NLGN1: variants seen among roughly 807,000 people sequenced by gnomAD.
NLGN1 encodes the protein neuroligin-1.
In NLGN1, 12 loss-of-function variants were observed where a neutral mutation model predicts 65.5. The ratio of observed to expected loss-of-function variants is 0.18; its 90% CI spans 0.12 to 0.30. The LOEUF (loss-of-function observed/expected upper bound fraction) is 0.30. Among genes scored for constraint, NLGN1 ranks in the 10% least tolerant of loss-of-function variants. The pLI, the probability that NLGN1 is intolerant of heterozygous loss-of-function variation, is 1.00. For missense variants in NLGN1, 750 were observed against 1,007.1 expected, an observed-to-expected ratio of 0.74 and a Z score of 3.46; for synonymous variants, 350 against 359.5, an observed-to-expected ratio of 0.97 and a Z score of 0.30.
intron 4 of NLGN1, among the ~76,000 whole-genome samples, chr3:174,090,976 T>C (rs1744402431): frequency 6.6e-6 from 1 of 152,184 alleles, no homozygotes; most frequent in Admixed American, 6.5e-5. Flanking sequence ...TTAACAATTG[T>C]AAATAACATT....
intron 4 of NLGN1, among the ~76,000 whole-genome samples, chr3:173,921,949 A>C (rs781112572): frequency 6.6e-6 from 1 of 152,100 alleles, no homozygotes; most frequent in Admixed American, 6.6e-5. Context: ...CTCTGAATAC[A>C]TTATACCAAC....
At chr3:173,828,212 C>T (rs73033365) in intron 4 of NLGN1, among the ~76,000 whole-genome samples, 74 of 152,178 alleles carry the variant, frequency 4.9e-4, no homozygotes, top group South Asian at 2.9e-3. Flanking sequence ...ATTTGAGTTG[C>T]TGTCACATCA....
chr3:173,410,568 A>G (rs1227512943), intron 1 of NLGN1, among the ~76,000 whole-genome samples: 1 of 152,212 alleles, frequency 6.6e-6, no homozygotes, highest in Non-Finnish European at 1.5e-5. Context: ...GGGATAAAGC[A>G]TTTAGAAATG....
intron 4 of NLGN1, among the ~76,000 whole-genome samples, chr3:174,083,004 G>A (rs1460055368): frequency 2.3e-4 from 35 of 152,196 alleles, no homozygotes; most frequent in Admixed American, 2.2e-3. Context: ...TGGGATCACA[G>A]GCATGAGCCA....
At chr3:174,179,994 C>A (rs1043408964) in intron 4 of NLGN1, among the ~76,000 whole-genome samples, 1 of 152,034 alleles carries the variant, frequency 6.6e-6, no homozygotes, top group Non-Finnish European at 1.5e-5. Context: ...AGAATTATAG[C>A]AATATAATCC....
chr3:173,659,134 T>C (rs1467411051), intron 3 of NLGN1, among the ~76,000 whole-genome samples: 4 of 151,950 alleles, frequency 2.6e-5, no homozygotes, highest in Non-Finnish European at 5.9e-5. Context: ...GTCTTACCAT[T>C]AGCATTATTG....
chr3:173,448,902 G>T (rs551056115), intron 2 of NLGN1, among the ~76,000 whole-genome samples: 37 of 152,230 alleles, frequency 2.4e-4, no homozygotes, highest in Middle Eastern at 6.8e-3. Context: ...TGGGATCAGT[G>T]GTGACATCCC....
intron 2 of NLGN1, among the ~76,000 whole-genome samples, chr3:173,456,355 ATGAGGGTTGAGAACATGGAC>A: frequency 6.6e-6 from 1 of 152,218 alleles, no homozygotes; most frequent in East Asian, 1.9e-4. Context: ...GCAATATAGC[ATGAGGGTTGAGAACATGGAC>A]TGAGGCTCAG....
chr3:173,433,176 G>A (rs1717502613), intron 1 of NLGN1, among the ~76,000 whole-genome samples: 1 of 152,082 alleles, frequency 6.6e-6, no homozygotes, highest in African/African-American at 2.4e-5. Flanking sequence ...TCCCATTGCT[G>A]CCATTGTGCC....
At chr3:173,784,006 G>T (rs1263072045) in intron 3 of NLGN1, among the ~76,000 whole-genome samples, 1 of 152,122 alleles carries the variant, frequency 6.6e-6, no homozygotes, top group Non-Finnish European at 1.5e-5. Context: ...TATGTAGCAG[G>T]TTTCCCTAGA....
intron 2 of NLGN1, among the ~76,000 whole-genome samples, chr3:173,563,052 T>C (rs1048008454): frequency 2.0e-5 from 3 of 152,200 alleles, no homozygotes; most frequent in African/African-American, 7.2e-5. Context: ...TTCCACTGTT[T>C]GAATTAGTCA....
intron 3 of NLGN1, 54 bp from the exon 3 acceptor site, chr3:173,605,480 G>A (rs1302350074): frequency 1.6e-5 from 15 of 967,046 alleles, no homozygotes; most frequent in South Asian, 6.7e-5. Flanking sequence ...TGCATGTTCC[G>A]GCGGTCTATG....
chr3:174,167,869 C>T (rs1231636908), intron 4 of NLGN1, among the ~76,000 whole-genome samples: 1 of 151,370 alleles, frequency 6.6e-6, no homozygotes, highest in Non-Finnish European at 1.5e-5. Flanking sequence ...TTTACAAAAT[C>T]CCATATTTCT....
At position 173,527,140 on chromosome 3, in the gene NLGN1, T is replaced by C. The variant is rs1488512887; in HGVS notation, c.-320-77139T>C. ...TCTATTTTTAGTTTCTTGAGGAACCTCTACACCTTTCTCCACAGTGGAGAA... is the reference window on the plus strand; with the variant it reads ...TCTATTTTTAGTTTCTTGAGGAACCCCTACACCTTTCTCCACAGTGGAGAA... On this transcript the variant is annotated intron_variant, in intron 2 of 6. Transcript: ENST00000457714. Among the ~76,000 whole-genome samples the C allele has an allele frequency of 2.0e-5, 3 of 152,190 alleles. No individual in the cohort carries two copies. In the East Asian group the frequency reaches 5.8e-4, roughly 29 times the overall value.
chr3:174,222,770 A>G (rs570109539), intron 4 of NLGN1, among the ~76,000 whole-genome samples: 1 of 152,260 alleles, frequency 6.6e-6, no homozygotes, highest in South Asian at 2.1e-4. Context: ...CCTTCTGCAC[A>G]CCACTGGCTC....
chr3:173,426,067 A>G (rs1269114846), intron 1 of NLGN1, among the ~76,000 whole-genome samples: 3 of 151,802 alleles, frequency 2.0e-5, no homozygotes, highest in African/African-American at 7.3e-5. Context: ...ATTTATTCCT[A>G]GGTATTTTAT....
chr3:173,579,867 AT>A (rs917785344), intron 2 of NLGN1, among the ~76,000 whole-genome samples: 12 of 151,278 alleles, frequency 7.9e-5, no homozygotes, highest in African/African-American at 1.9e-4. Flanking sequence ...ATGGTAGAGG[AT>A]TTTTTTTTCT....
At chr3:173,773,930 TG>T (rs1411102057) in intron 3 of NLGN1, among the ~76,000 whole-genome samples, 1 of 152,092 alleles carries the variant, frequency 6.6e-6, no homozygotes, top group African/African-American at 2.4e-5. Context: ...GTTAATCATG[TG>T]AGGAGCAGGA....
At chr3:174,131,013 C>G (rs987076306) in intron 4 of NLGN1, among the ~76,000 whole-genome samples, 1 of 152,034 alleles carries the variant, frequency 6.6e-6, no homozygotes, top group African/African-American at 2.4e-5. Context: ...TCATCATACC[C>G]CTTTCCTGAG....
Sources: allele counts gnomAD v4.1 joint callset (sites outside exome capture counted in the v4.1 genomes callset), GRCh38; gene constraint gnomAD v4.1.1; transcripts MANE v1.5; gene names NCBI Gene and HGNC (gene_info 2026-07-23, HGNC 2026-07-21).